EXOC1: variants seen among roughly 807,000 people sequenced by gnomAD.
The protein encoded by EXOC1 is exocyst complex component 1, also known as SEC3-like 1.
In EXOC1, 67 loss-of-function variants were observed where a neutral mutation model predicts 107.7. The ratio of observed to expected loss-of-function variants is 0.62; its 90% CI spans 0.51 to 0.76. EXOC1 has a LOEUF of 0.76. Among genes scored for constraint, EXOC1 ranks in the 30% least tolerant of loss-of-function variants. The pLI, the probability that EXOC1 is intolerant of heterozygous loss-of-function variation, is 0.00. For missense variants in EXOC1, 833 were observed against 1,055.7 expected (o/e 0.79, Z 2.92); for synonymous variants, 348 against 353.5 (o/e 0.98, Z 0.17).
chr4:55,872,775 A>T (rs1444703409), intron 8 of EXOC1: 1 of 979,404 alleles, frequency 1.0e-6, no homozygotes, highest in Non-Finnish European at 1.2e-6. Flanking sequence ...CCCTCCTTCA[A>T]CTCTATAACA....
chr4:55,858,279 G>A, intron 1 of EXOC1, 35 bp from the exon 2 acceptor site: 1 of 1,538,358 alleles, frequency 6.5e-7, no homozygotes, highest in Non-Finnish European at 8.7e-7. Flanking sequence ...ATGATGTTGA[G>A]GGTGAGCTTA....
In EXOC1 at chr4:55,860,498, C is replaced by T. The variant is rs772968512; in HGVS notation, c.212C>T (p.Ala71Val). ...GDFYKRQIAWALRDLAVVDAK... is the reference protein window; with the variant it reads ...GDFYKRQIAWVLRDLAVVDAK... ...TTCTACAAAAGGCAGATTGCATGGG[C>T]CCTTCGAGATCTTGCTGTGGTAGAT... Residue 71 changes from alanine (A) to valine (V), a missense_variant, in exon 3 of 19, where the codon GCC (alanine) becomes GTC (valine). By Grantham distance (64) the Ala-to-Val change is moderately conservative. Coordinates refer to ENST00000381295, the MANE Select transcript of EXOC1 (RefSeq NM_001024924.2). 5.0e-6 allele frequency: 8 copies of T among 1,613,998 alleles called. No individual in the cohort carries two copies. In the South Asian group the frequency reaches 7.7e-5, roughly 16 times the overall value.
In EXOC1 at chr4:55,901,841, T is replaced by G. The variant is rs558524133; in HGVS notation, c.2338-503T>G. 1.5e-4 allele frequency among the ~76,000 whole-genome samples: 23 copies of G among 152,270 alleles called. 1 individual carries two copies. The South Asian group carries it at 4.8e-3, about 32-fold the overall frequency. On this transcript the variant is annotated intron_variant, in intron 17 of 18. Transcript: ENST00000381295. ...ATCTTTCAAATACTTAAAGTTATGC[T>G]CTTCAACAGAGTAATTATAGTCCTG...
At position 55,858,338 on chromosome 4, in the gene EXOC1, G is replaced by A; in HGVS notation, c.15G>A (p.Lys5=). Residue 5 remains lysine, a synonymous_variant, in exon 2 of 19, where the codon AAG becomes AAA. Coordinates refer to ENST00000381295, the MANE Select transcript of EXOC1 (RefSeq NM_001024924.2). ...GCTGAGAAAAGATGACAGCAATCAA[G>A]CATGCATTACAAAGAGACATTTTTA... The part of the protein sequence containing the change: MTAI[K]HALQRDIFTP... 3 of 1,606,856 alleles carry A rather than the reference G, an allele frequency of 1.9e-6. No homozygotes were observed. The highest frequency in any genetic ancestry group is 2.5e-6 in the Non-Finnish European group (3 of 1,176,852).
chr4:55,879,410 G>A (rs1723186356), intron 9 of EXOC1, among the ~76,000 whole-genome samples: 1 of 152,194 alleles, frequency 6.6e-6, no homozygotes, highest in Non-Finnish European at 1.5e-5. Flanking sequence ...TTCCTATTGT[G>A]CTTGCAGAGC....
At chr4:55,902,274 A>G (rs1369001103) in intron 17 of EXOC1, 70 bp from the exon 18 acceptor site, 1 of 1,226,484 alleles carries the variant, frequency 8.2e-7, no homozygotes, top group African/African-American at 1.6e-5. Flanking sequence ...CTACTTTGTA[A>G]TCAGATTTTT....
At chr4:55,890,831 G>A (rs1292043940) in intron 12 of EXOC1, among the ~76,000 whole-genome samples, 1 of 152,214 alleles carries the variant, frequency 6.6e-6, no homozygotes, top group Non-Finnish European at 1.5e-5. Flanking sequence ...CTGGGTTCAA[G>A]CAGTTCTTCT....
chr4:55,862,206 A>C (rs923786569), intron 3 of EXOC1, among the ~76,000 whole-genome samples: 1 of 152,224 alleles, frequency 6.6e-6, no homozygotes, highest in Non-Finnish European at 1.5e-5. Flanking sequence ...TTTTCCCTTC[A>C]GTAGTTTTGC....
At chr4:55,857,906 A>C (rs933401353) in intron 1 of EXOC1, among the ~76,000 whole-genome samples, 8 of 152,198 alleles carry the variant, frequency 5.3e-5, no homozygotes, top group Admixed American at 4.6e-4. Context: ...GATGTTAAGC[A>C]TGTTTTCATA....
chr4:55,861,415 A>C (rs1721464926), intron 3 of EXOC1, among the ~76,000 whole-genome samples: 1 of 152,220 alleles, frequency 6.6e-6, no homozygotes, highest in African/African-American at 2.4e-5. Context: ...AACAAAAAAC[A>C]AAAAAACTGC....
rs1295585109 is a variant in EXOC1 at position 55,871,840 on chromosome 4, C to T, written c.965-9C>T. On this transcript the variant is annotated splice_polypyrimidine_tract_variant and intron_variant, in intron 7 of 18. Coordinates refer to ENST00000381295, the MANE Select transcript of EXOC1 (RefSeq NM_001024924.2). The stretch of plus-strand genomic sequence containing the variant: ...ATTAAACTGGTCACAAAATGTCGTT[C>T]TGTGTCAGGCCATGACTTGCTTCTG... 4 of 1,611,366 alleles carry T rather than the reference C, an allele frequency of 2.5e-6. No homozygotes were observed.
intron 17 of EXOC1, among the ~76,000 whole-genome samples, chr4:55,901,139 G>T (rs1560367794): frequency 6.6e-6 from 1 of 152,062 alleles, no homozygotes; most frequent in Non-Finnish European, 1.5e-5. Flanking sequence ...TGAAGCACTA[G>T]CCAGTTCAAC....
intron 16 of EXOC1, among the ~76,000 whole-genome samples, chr4:55,898,112 G>T (rs73238395): frequency 0.052 from 7,961 of 152,118 alleles, 309 homozygotes; most frequent in Non-Finnish European, 0.081. Flanking sequence ...TAAAAAATTA[G>T]CCAGACGTGG....
intron 8 of EXOC1, chr4:55,877,265 T>G (rs79808929): frequency 1.0e-6 from 1 of 985,344 alleles, no homozygotes; most frequent in Non-Finnish European, 1.2e-6. Flanking sequence ...TTAATACAGT[T>G]TTCACAAAAT....
At chr4:55,873,074 G>T (rs991604493) in intron 8 of EXOC1, among the ~76,000 whole-genome samples, 1 of 151,916 alleles carries the variant, frequency 6.6e-6, no homozygotes, top group African/African-American at 2.4e-5. Flanking sequence ...CCTTCATTTA[G>T]TAATAGTAGT....
chr4:55,903,034 C>T (rs191821423), intron 18 of EXOC1, among the ~76,000 whole-genome samples: 74 of 151,594 alleles, frequency 4.9e-4, no homozygotes, highest in Non-Finnish European at 1.0e-3. Context: ...GTCCCAGCTA[C>T]TCGGGAAGCT....
chr4:55,903,645 C>T (rs961161823), intron 18 of EXOC1, among the ~76,000 whole-genome samples: 7 of 152,172 alleles, frequency 4.6e-5, no homozygotes, highest in African/African-American at 1.7e-4. Flanking sequence ...ACCAGGTCAT[C>T]ATGAGACTTA....
At chr4:55,860,263 C>CT in intron 2 of EXOC1, 148 bp from the exon 3 acceptor site, 1 of 819,500 alleles carries the variant, frequency 1.2e-6, no homozygotes. Context: ...GGATTCTGTG[C>CT]TTTCCTCGGT....
Position 55,899,799 on chromosome 4 carries a change from A to C in EXOC1, c.2252A>C (p.Glu751Ala). The change falls in exon 17 of 19, where the codon GAA (glutamate) becomes GCA (alanine). Residue 751 changes from glutamate to alanine, a missense_variant. By Grantham distance (107) the Glu-to-Ala change is moderately radical. Coordinates refer to ENST00000381295, the MANE Select transcript of EXOC1 (RefSeq NM_001024924.2). ...TTGAAAATCTCATGTCTAGAAGCAGAAAAAAAAGAAGCCAAACAAAAATAC... is the reference window on the plus strand; with the variant it reads ...TTGAAAATCTCATGTCTAGAAGCAGCAAAAAAAGAAGCCAAACAAAAATAC... ...SRLKISCLEA[E>A]KKEAKQKYTD... 6.2e-7 allele frequency: 1 copy of C among 1,612,460 alleles called. No individual in the cohort carries two copies. The highest frequency in any genetic ancestry group is 8.5e-7 in the Non-Finnish European group (1 of 1,179,050).
Sources: allele counts gnomAD v4.1 joint callset (sites outside exome capture counted in the v4.1 genomes callset), GRCh38; gene constraint gnomAD v4.1.1; transcripts MANE v1.5; gene names NCBI Gene and HGNC (gene_info 2026-07-23, HGNC 2026-07-21).